The following RAE1 variants were observed in gnomAD, a reference collection of about 807,000 sequenced individuals.
RAE1 encodes ribonucleic acid export 1, also known as mRNA export factor RAE1.
A neutral mutation model predicts 52.7 loss-of-function variants in RAE1; 13 were observed. The observed-to-expected ratio is 0.25, with a 90% CI of 0.16 to 0.39. The LOEUF (loss-of-function observed/expected upper bound fraction) is 0.39. Among genes scored for constraint, RAE1 ranks in the 10% least tolerant of loss-of-function variants. The pLI is 1.00. For missense variants in RAE1, 262 were observed against 459.8 expected (o/e 0.57, Z 3.93); for synonymous variants, 164 against 153.1 (o/e 1.07, Z -0.52).
At chr20:57,352,063 A>T in intron 1 of RAE1, 2 of 815,882 alleles carry the variant, frequency 2.5e-6, no homozygotes, top group Non-Finnish European at 3.0e-6. Context: ...TAAACAAGAA[A>T]TTCCAGGGGA....
chr20:57,351,321 G>C lies in RAE1; in HGVS notation c.-109G>C. On this transcript the variant is annotated 5_prime_UTR_variant, in exon 1 of 12. Transcript: ENST00000395841. ...GAGGCTTCGGGCTCCTGGGATTTCT[G>C]TCCGCGCTCCTGGCCCTCGTCCTTC... The C allele has an allele frequency of 3.0e-6, 3 of 985,466 alleles. No individual in the cohort carries two copies. The highest frequency in any genetic ancestry group is 3.6e-6 in the Non-Finnish European group (3 of 829,964). 61.0% of individuals were successfully genotyped at this position (985,466 alleles called of 1,614,324 possible). A position where few individuals can be genotyped will look rare whatever the true frequency, so the allele number is the denominator to read the frequency against.
At chr20:57,366,658 G>C (rs1313976541) in intron 5 of RAE1, 149 bp from the exon 6 acceptor site, 1 of 739,516 alleles carries the variant, frequency 1.4e-6, no homozygotes, top group Non-Finnish European at 2.4e-6. Context: ...AGTGAGGAAG[G>C]ATTGGTAAAA....
intron 3 of RAE1, among the ~76,000 whole-genome samples, chr20:57,356,241 A>G (rs560340887): frequency 1.1e-4 from 17 of 152,226 alleles, no homozygotes; most frequent in Non-Finnish European, 2.1e-4. Context: ...TGTGTAAGCA[A>G]TAGAATTTGT....
At chr20:57,354,928 C>CT (rs2066762735) in intron 3 of RAE1, 112 bp downstream of exon 3, 3 of 745,928 alleles carry the variant, frequency 4.0e-6, no homozygotes, top group African/African-American at 1.8e-5. Flanking sequence ...TATTTATGGC[C>CT]TTTTTTGAGA....
rs150804995 is a variant in RAE1, at chr20:57,374,714, G to T, written c.933G>T (p.Ser311=). The change falls in exon 11 of 12, where the codon TCG becomes TCT. Residue 311 remains serine (S), a synonymous_variant. Coordinates refer to ENST00000395841, the MANE Select transcript of RAE1 (RefSeq NM_003610.4). ...DKDARTKLKT[S]EQLDQPISAC... is the part of the protein sequence containing the mutation. ...ATGCCAGAACAAAACTAAAAACTTC[G>T]GAACAGTTAGATCAGCCCATCTCAG... 1.9e-6 allele frequency: 3 copies of T among 1,614,162 alleles called. 1 individual carries two copies. The highest frequency in any genetic ancestry group is 3.3e-4 in the Middle Eastern group (2 of 6,062).
chr20:57,375,161 G>T (rs953836764), intron 11 of RAE1: 3 of 627,412 alleles, frequency 4.8e-6, no homozygotes, highest in South Asian at 1.8e-5. Context: ...TTGGCTGGTG[G>T]TTTGGGCAGG....
At chr20:57,376,768 A>G (rs1037098862) in intron 11 of RAE1, among the ~76,000 whole-genome samples, 6 of 152,220 alleles carry the variant, frequency 3.9e-5, no homozygotes, top group Non-Finnish European at 1.5e-5. Context: ...TCCTCTTTGC[A>G]TACTCATCCC....
intron 1 of RAE1, among the ~76,000 whole-genome samples, chr20:57,352,195 G>A (rs992535077): frequency 1.3e-5 from 2 of 152,244 alleles, no homozygotes; most frequent in Non-Finnish European, 2.9e-5. Context: ...ACCATTGAAA[G>A]TGTATATTGT....
At chr20:57,352,088 A>C in intron 1 of RAE1, 1 of 681,064 alleles carries the variant, frequency 1.5e-6, no homozygotes, top group Non-Finnish European at 1.8e-6. Flanking sequence ...ATGGAAGATT[A>C]GATATGTTAA....
At chr20:57,376,569 T>TA (rs1392566263) in intron 11 of RAE1, among the ~76,000 whole-genome samples, 1 of 152,264 alleles carries the variant, frequency 6.6e-6, no homozygotes, top group Non-Finnish European at 1.5e-5. Flanking sequence ...ACTTGTCCGT[T>TA]ACTTTTCAGT....
intron 4 of RAE1, among the ~76,000 whole-genome samples, 179 bp from the exon 5 acceptor site, chr20:57,365,177 A>G (rs879427169): frequency 2.0e-5 from 3 of 152,236 alleles, no homozygotes; most frequent in Non-Finnish European, 4.4e-5. Context: ...CAATCATGAA[A>G]TAGATGAAAA....
chr20:57,356,342 G>A (rs1444831982), intron 3 of RAE1, 104 bp from the exon 4 acceptor site: 1 of 710,042 alleles, frequency 1.4e-6, no homozygotes, highest in Non-Finnish European at 2.3e-6. Context: ...GTTGCTATGA[G>A]AAGTCTATGT....
chr20:57,359,666 C>T (rs1156532608), intron 4 of RAE1: 4 of 152,274 alleles, frequency 2.6e-5, no homozygotes, highest in Non-Finnish European at 5.9e-5. Context: ...CGTGTCACCG[C>T]TACTCATGAA....
At chr20:57,359,975 T>G (rs1007060879) in intron 4 of RAE1, 14 of 152,252 alleles carry the variant, frequency 9.2e-5, no homozygotes, top group Admixed American at 4.6e-4. Flanking sequence ...TTTAGCGAGG[T>G]TTGGGGCTAG....
Position 57,354,789 on chromosome 20 carries a change from T to C in RAE1, c.168T>C (p.Phe56=), listed in dbSNP as rs183285239. ...SFSPPTLPGN[F]LIAGSWANDV... is the part of the protein sequence containing the mutation. The stretch of plus-strand genomic sequence containing the variant: ...GCCCACCAACCTTGCCGGGGAACTT[T>C]CTTATTGCAGGATCATGGGCTAATG... Residue 56 remains phenylalanine (F), a synonymous_variant, in exon 3 of 12, where the codon TTT becomes TTC. Coordinates refer to ENST00000395841, the MANE Select transcript of RAE1 (RefSeq NM_003610.4). The C allele has an allele frequency of 8.2e-5, 132 of 1,604,406 alleles. No homozygotes were observed. Among genetic ancestry groups the C allele is most frequent in the South Asian group, 1.3e-4 (12 of 89,862 alleles).
At chr20:57,368,359 G>T (rs1452768924) in intron 7 of RAE1, among the ~76,000 whole-genome samples, 2 of 152,204 alleles carry the variant, frequency 1.3e-5, no homozygotes, top group Non-Finnish European at 2.9e-5. Flanking sequence ...TAAAGGATAT[G>T]AACTGTACAG....
At chr20:57,374,215 T>G in intron 10 of RAE1, among the ~76,000 whole-genome samples, 1 of 152,132 alleles carries the variant, frequency 6.6e-6, no homozygotes, top group Non-Finnish European at 1.5e-5. Flanking sequence ...TAACTAGCAG[T>G]GTTGTGTATT....
chr20:57,368,294 C>T (rs913363367), intron 7 of RAE1, among the ~76,000 whole-genome samples: 1 of 152,062 alleles, frequency 6.6e-6, no homozygotes, highest in Admixed American at 6.5e-5. Flanking sequence ...CGTTAGAAGC[C>T]ACTGCTAGTA....
chr20:57,361,968 G>A (rs527512939), intron 4 of RAE1, among the ~76,000 whole-genome samples: 28 of 152,308 alleles, frequency 1.8e-4, no homozygotes, highest in African/African-American at 6.3e-4. Flanking sequence ...TCAGATCAGC[G>A]GCGGCATTAG....
Sources: gnomAD v4.1 joint callset for allele counts (sites outside exome capture counted in the v4.1 genomes callset) on GRCh38, gnomAD v4.1.1 for gene constraint, MANE v1.5 for transcripts, NCBI Gene and HGNC (gene_info 2026-07-23, HGNC 2026-07-21) for gene names.